The following PPP1R13L variants were observed in gnomAD, a reference collection of about 807,000 sequenced individuals.
PPP1R13L encodes the protein protein phosphatase 1 regulatory subunit 13 like, also known as relA-associated inhibitor.
A neutral mutation model predicts 80.9 loss-of-function variants in PPP1R13L; 50 were observed. The ratio of observed to expected loss-of-function variants is 0.62; its 90% CI spans 0.49 to 0.78. The LOEUF (loss-of-function observed/expected upper bound fraction) is 0.78, where lower values mean the gene tolerates loss of function less well. Among genes scored for constraint, PPP1R13L ranks in the 30% least tolerant of loss-of-function variants. The probability of loss-of-function intolerance (pLI) is 0.00; values close to 1 mark genes in which losing one functional copy is unlikely to be tolerated. For synonymous variants in PPP1R13L, 602 were observed against 534.3 expected (o/e 1.13, Z -1.75); for missense variants, 1,200 against 1,205.9 (o/e 1.00, Z 0.07).
intron 8 of PPP1R13L, 126 bp downstream of exon 8, chr19:45,391,754 T>C (rs34708393): frequency 5.8e-6 from 4 of 695,426 alleles, no homozygotes; most frequent in East Asian, 6.5e-5. Flanking sequence ...CTGCAAACTC[T>C]TGGACTTCTA....
intron 1 of PPP1R13L, 85 bp from the exon 2 acceptor site, chr19:45,398,424 G>T (rs954774310): frequency 1.4e-5 from 19 of 1,334,336 alleles, no homozygotes; most frequent in Admixed American, 6.1e-5. Flanking sequence ...TCAGGAGCGG[G>T]ACAACGCCTC....
intron 8 of PPP1R13L, among the ~76,000 whole-genome samples, chr19:45,388,989 C>A (rs1463467602): frequency 6.6e-6 from 1 of 152,040 alleles, no homozygotes; most frequent in African/African-American, 2.4e-5. Flanking sequence ...CCACCCGCCT[C>A]GGCCTCCCAA....
At chr19:45,406,170 G>T (rs1973355247), upstream of PPP1R13L, 2 of 498,406 alleles carry the variant, frequency 4.0e-6, no homozygotes, top group Non-Finnish European at 5.2e-6. This position sits in a 1 kb window ranked among gnomAD's most constrained non-coding sequence, Gnocchi z 4.2. Flanking sequence ...CCTCCGGACG[G>T]ATTGCCCCTA....
In PPP1R13L at chr19:45,396,078, GC is replaced by G; in HGVS notation, c.903+89del. 6.9e-7 allele frequency: 1 copy of G among 1,441,564 alleles called. No individual in the cohort carries two copies. The highest frequency in any genetic ancestry group is 1.4e-5 in the African/African-American group (1 of 71,024). The allele number at this position is 1,441,564 out of a possible 1,614,324, so 89.3% of individuals were successfully genotyped here. On this transcript the variant is annotated intron_variant, in intron 6 of 12. Transcript: ENST00000360957. This position sits in a 1 kb window ranked among gnomAD's most constrained non-coding sequence, Gnocchi z 5.3. ...AACGGGCGCCGAGACCCAGATCGCA[GC>G]CCCGAGGGGGAGACTGGCCTTGACC...
intron 8 of PPP1R13L, among the ~76,000 whole-genome samples, chr19:45,386,540 C>T (rs1226894972): frequency 2.0e-5 from 3 of 152,096 alleles, no homozygotes; most frequent in Non-Finnish European, 4.4e-5. Flanking sequence ...TGCAATGAGA[C>T]ACACATGACA....
intron 11 of PPP1R13L, among the ~76,000 whole-genome samples, chr19:45,384,062 G>A (rs1371465357): frequency 6.6e-6 from 1 of 151,642 alleles, no homozygotes; most frequent in Non-Finnish European, 1.5e-5. Flanking sequence ...CACCGCGCCT[G>A]GCTTTCTTTT....
In PPP1R13L at chr19:45,395,811, C is replaced by CGCGTCTGAACCTA; in HGVS notation, c.978_979insTAGGTTCAGACGC (p.Gly327Ter). ...GAGCCCAGCGAGCGCCGGTAGCTGC[C>CGCGTCTGAACCTA]CGCGTCTGAACGCCGGTCGCTGGCC... On this transcript the variant is annotated stop_gained and frameshift_variant, in exon 7 of 13. Transcript: ENST00000360957. LOFTEE classifies it high-confidence loss of function. The CGCGTCTGAACCTA allele has an allele frequency of 2.5e-6, 4 of 1,589,230 alleles. No homozygotes were observed. The African/African-American group carries it at 5.4e-5, about 21-fold the overall frequency.
At chr19:45,400,164 C>T (rs916145015) in intron 1 of PPP1R13L, among the ~76,000 whole-genome samples, 1 of 151,906 alleles carries the variant, frequency 6.6e-6, no homozygotes, top group African/African-American at 2.4e-5. Context: ...TAGAGGGGTC[C>T]TAGAGGGAAG....
At chr19:45,384,017 G>A (rs1221580469) in intron 11 of PPP1R13L, among the ~76,000 whole-genome samples, 1 of 150,856 alleles carries the variant, frequency 6.6e-6, no homozygotes, top group African/African-American at 2.4e-5. Context: ...CGCCCGCCTC[G>A]AGCCTCCCAA....
chr19:45,390,977 C>G (rs562945471), intron 8 of PPP1R13L, among the ~76,000 whole-genome samples: 9 of 151,926 alleles, frequency 5.9e-5, no homozygotes, highest in African/African-American at 1.9e-4. Flanking sequence ...GCAGGTGGAT[C>G]ATTTGAAGTC....
chr19:45,392,480 C>G (rs1264493495), intron 7 of PPP1R13L, 140 bp from the exon 8 acceptor site: 1 of 858,010 alleles, frequency 1.2e-6, no homozygotes, highest in Admixed American at 2.0e-5. Flanking sequence ...CTGGGCTACA[C>G]TTTCCTTGGG....
At chr19:45,404,099 A>G (rs1973280970) in intron 1 of PPP1R13L, among the ~76,000 whole-genome samples, 1 of 152,090 alleles carries the variant, frequency 6.6e-6, no homozygotes, top group Admixed American at 6.5e-5. Context: ...GCTGCAGAAG[A>G]AGGAGGAGGC....
Position 45,392,303 on chromosome 19 carries a change from CG to C in PPP1R13L, c.1391del (p.Pro464ArgfsTer3). On this transcript the variant is annotated frameshift_variant, in exon 8 of 13. Transcript: ENST00000360957. LOFTEE classifies it high-confidence loss of function. ...CTGGTGTCAGCAGCCCCTCTATCTCCGGCTCAGGCTCCAGCTCGGTGGGGGG... is the reference window on the plus strand; with the variant it reads ...CTGGTGTCAGCAGCCCCTCTATCTCCGCTCAGGCTCCAGCTCGGTGGGGGG... ...PKPPTELEPE[P>X]EIEGLLTPVL... is the part of the protein sequence containing the mutation. The C allele has an allele frequency of 6.2e-7, 1 of 1,613,596 alleles. No individual in the cohort carries two copies. The highest frequency in any genetic ancestry group is 8.5e-7 in the Non-Finnish European group (1 of 1,180,024).
rs914968761 is a variant in PPP1R13L at position 45,387,272 on chromosome 19, G to GA, written c.1816-1093dup. Among the ~76,000 whole-genome samples, 18 of 150,326 alleles carry GA rather than the reference G, an allele frequency of 1.2e-4. 1 individual carries two copies. Among genetic ancestry groups the GA allele is most frequent in the South Asian group, 2.1e-4 (1 of 4,730 alleles). On this transcript the variant is annotated intron_variant, in intron 8 of 12. Transcript: ENST00000360957. ...AACAGAGTGAGACCCAGTCTCAAAA[G>GA]AAAAAAAAATGCATTTATTTATTCC...
At position 45,395,550 on chromosome 19, in the gene PPP1R13L, G is replaced by T; in HGVS notation, c.1240C>A (p.Pro414Thr). The T allele has an allele frequency of 6.7e-7, 1 of 1,490,496 alleles. No individual in the cohort carries two copies. Among genetic ancestry groups the T allele is most frequent in the South Asian group, 1.3e-5 (1 of 75,536 alleles). The allele number at this position is 1,490,496 out of a possible 1,614,324, so 92.3% of individuals were successfully genotyped here. A position where few individuals can be genotyped will look rare whatever the true frequency, so the allele number is the denominator to read the frequency against. Reference protein sequence around the residue: ...PKLQPQPQPQPQPQSQPQPQL... With the variant: ...PKLQPQPQPQTQPQSQPQPQL... ...GGCTGTGGTTGTGATTGTGGCTGGGGCTGTGGTTGTGGTTGGGGCTGCAGC... is the reference window on the plus strand; with the variant it reads ...GGCTGTGGTTGTGATTGTGGCTGGGTCTGTGGTTGTGGTTGGGGCTGCAGC... The change falls in exon 7 of 13, where the codon CCC (proline) becomes ACC (threonine). Residue 414 changes from proline (P) to threonine (T), a missense_variant. Pro to Thr is a conservative substitution (Grantham distance 38, BLOSUM62 -1). Transcript: ENST00000360957.
rs750947870 is a variant in PPP1R13L, at chr19:45,398,099, G to A, written c.104C>T (p.Ala35Val). ...GGTCAGTTCATCCACCTTGGCCGCC[G>A]CCGTGTCCAGCTCCATCTGCTTCAG... ...MDLKQMELDT[A>V]AAKVDELTKQ... The change falls in exon 3 of 13, where the codon GCG (alanine) becomes GTG (valine). Residue 35 changes from alanine to valine, a missense_variant. This residue lies in a region of PPP1R13L where 764 missense variants were observed against 714.5 expected (regional missense o/e 1.07). Coordinates refer to ENST00000360957, the MANE Select transcript of PPP1R13L (RefSeq NM_006663.4). The A allele has an allele frequency of 2.5e-6, 4 of 1,614,148 alleles. No individual in the cohort carries two copies. Among genetic ancestry groups the A allele is most frequent in the Non-Finnish European group, 2.5e-6 (3 of 1,180,028 alleles).
In PPP1R13L at chr19:45,385,519, C is replaced by T. The variant is rs1280245707; in HGVS notation, c.2248+43G>A. Reference sequence around the variant, plus strand: ...GTAGTTGCTCCCCTCCCCGCTCCTGCGCACCCGCCAGGTACCCAGGCGCCA... The same window carrying T: ...GTAGTTGCTCCCCTCCCCGCTCCTGTGCACCCGCCAGGTACCCAGGCGCCA... On this transcript the variant is annotated intron_variant, in intron 11 of 12. Coordinates refer to ENST00000360957, the MANE Select transcript of PPP1R13L (RefSeq NM_006663.4). The T allele has an allele frequency of 4.5e-6, 7 of 1,563,210 alleles. No homozygotes were observed. The East Asian group carries it at 1.4e-4, about 30-fold the overall frequency.
intron 1 of PPP1R13L, 85 bp downstream of exon 1, chr19:45,404,914 G>T: frequency 1.2e-6 from 1 of 848,452 alleles, no homozygotes; most frequent in Non-Finnish European, 1.4e-6. Context: ...CTGGGACCTG[G>T]CGTCCGAGTC....
At chr19:45,384,063 GCTTT>G (rs898564591) in intron 11 of PPP1R13L, among the ~76,000 whole-genome samples, 17 of 151,178 alleles carry the variant, frequency 1.1e-4, no homozygotes, top group Admixed American at 5.3e-4. Flanking sequence ...ACCGCGCCTG[GCTTT>G]CTTTTTCTTT....
Sources: gnomAD v4.1 joint callset for allele counts (sites outside exome capture counted in the v4.1 genomes callset) on GRCh38, gnomAD v4.1.1 for gene constraint, gnomAD v4.1.1 regional missense constraint, Gnocchi (gnomAD v3.1) non-coding constraint, MANE v1.5 for transcripts, NCBI Gene and HGNC (gene_info 2026-07-23, HGNC 2026-07-21) for gene names.